Variants in ATRX observed in about 807,000 individuals in gnomAD.
ATRX encodes ATRX chromatin remodeler.
In ATRX, 12 loss-of-function variants were observed where a neutral mutation model predicts 172.6. The observed-to-expected ratio is 0.07, with a 90% confidence interval of 0.04 to 0.11. The LOEUF is 0.11. ATRX is among the 10% of genes least tolerant of loss of function. The pLI is 1.00. For synonymous variants in ATRX, 674 were observed against 594.7 expected (o/e 1.13, Z -1.94); for missense variants, 1,368 against 1,767.4 (o/e 0.77, Z 4.05).
chrX:77,609,236 T>A (rs1440533049), intron 22 of ATRX, among the ~76,000 whole-genome samples: 1 of 111,734 alleles, frequency 8.9e-6, no homozygotes, highest in Non-Finnish European at 1.9e-5. Flanking sequence ...CAGCTGGATA[T>A]ATACTCAGAA....
chrX:77,742,879 T>C (rs1385415420), intron 1 of ATRX, among the ~76,000 whole-genome samples: 2 of 111,948 alleles, frequency 1.8e-5, no homozygotes, highest in African/African-American at 6.5e-5. Context: ...GAACACATTC[T>C]GTGTCCCATG....
rs1186988931 is a variant in ATRX, at chrX:77,652,297, CTCCTCCTCCTCT to C, written c.4362_4373del (p.Glu1461_Glu1464del). 8 of 1,205,064 alleles carry C rather than the reference CTCCTCCTCCTCT, an allele frequency of 6.6e-6. No individual in the cohort carries two copies. Among genetic ancestry groups the C allele is most frequent in the Non-Finnish European group, 7.8e-6 (7 of 893,270 alleles). Reference sequence around the variant, plus strand: ...TTTCATCTTCCTCCTCCTCTTCCTCCTCCTCCTCCTCTTCCTCCTCCTCTTCTTTTTCCTCCT... The same window carrying C: ...TTTCATCTTCCTCCTCCTCTTCCTCCTCCTCCTCCTCTTCTTTTTCCTCCT... On this transcript the variant is annotated inframe_deletion, in exon 15 of 35. Transcript: ENST00000373344.
chrX:77,656,708 T>C (rs1186353171), intron 12 of ATRX, 55 bp from the exon 13 acceptor site: 2 of 967,924 alleles, frequency 2.1e-6, no homozygotes, highest in Non-Finnish European at 2.9e-6. Context: ...AGAAACCTAA[T>C]TCACTTAATT....
intron 1 of ATRX, among the ~76,000 whole-genome samples, chrX:77,780,846 C>T (rs1229372273): frequency 9.1e-6 from 1 of 110,103 alleles, no homozygotes; most frequent in Non-Finnish European, 1.9e-5. Context: ...GAGGCTGAAG[C>T]AGGAGGATTG....
In ATRX at chrX:77,688,007, G is replaced by A. The variant is rs45491192; in HGVS notation, c.594+811C>T. On this transcript the variant is annotated intron_variant, in intron 7 of 34. Transcript: ENST00000373344. ...GGCTGGAGTACAATGGCGCGATCTC[G>A]ACTCGCTGCAACCTCCACCTCCCGG... Among the ~76,000 whole-genome samples, 6 of 111,501 alleles carry A rather than the reference G, an allele frequency of 5.4e-5. No individual in the cohort carries two copies. In the South Asian group the frequency reaches 2.3e-3, roughly 43 times the overall value.
At chrX:77,644,050 G>A (rs1377585340) in intron 15 of ATRX, among the ~76,000 whole-genome samples, 1 of 111,355 alleles carries the variant, frequency 9.0e-6, no homozygotes, top group Non-Finnish European at 1.9e-5. Flanking sequence ...AGCAATTCTT[G>A]TGCCTCAGCC....
At position 77,682,278 on chromosome X, in the gene ATRX, T is replaced by C. The variant is rs2071253299; in HGVS notation, c.2978A>G (p.Lys993Arg). The C allele has an allele frequency of 8.3e-7, 1 of 1,197,860 alleles. No homozygotes were observed. The highest frequency in any genetic ancestry group is 2.3e-5 in the Admixed American group (1 of 42,975). ...TTTTTTCTTAAAGTCTGAAGGTTTCTTTTTTTCTTCAGTTCCCTTTTTGCT... is the reference window on the plus strand; with the variant it reads ...TTTTTTCTTAAAGTCTGAAGGTTTCCTTTTTTCTTCAGTTCCCTTTTTGCT... ...KQSKKGTEEK[K>R]KPSDFKKKVI... The change falls in exon 9 of 35, where the codon AAG (lysine) becomes AGG (arginine). Residue 993 changes from lysine (K) to arginine (R), a missense_variant. Lys to Arg is a conservative substitution (Grantham distance 26). Transcript: ENST00000373344.
intron 17 of ATRX, 67 bp downstream of exon 17, chrX:77,634,527 T>C: frequency 1.1e-6 from 1 of 940,959 alleles, no homozygotes. Context: ...GCCTGAAACA[T>C]AATAGAATCC....
intron 10 of ATRX, among the ~76,000 whole-genome samples, chrX:77,667,174 C>T (rs906081614): frequency 1.8e-5 from 2 of 110,098 alleles, no homozygotes; most frequent in African/African-American, 3.3e-5. Flanking sequence ...TCTGGCACAG[C>T]ACTTTTTTTT....
At chrX:77,552,599 C>T (rs1274155778) in intron 30 of ATRX, among the ~76,000 whole-genome samples, 2 of 110,549 alleles carry the variant, frequency 1.8e-5, no homozygotes, top group Non-Finnish European at 3.8e-5. Context: ...TACCCCAGAA[C>T]TTAAAGTATA....
intron 26 of ATRX, among the ~76,000 whole-genome samples, chrX:77,590,714 A>G (rs2066217067): frequency 9.0e-6 from 1 of 111,337 alleles, no homozygotes; most frequent in African/African-American, 3.3e-5. Context: ...CATGAAAAAA[A>G]GTGAACTTCA....
intron 22 of ATRX, among the ~76,000 whole-genome samples, chrX:77,603,627 C>T (rs782007468): frequency 9.2e-6 from 1 of 109,104 alleles, no homozygotes; most frequent in South Asian, 4.1e-4. Flanking sequence ...CCGCCTGCCT[C>T]GGCCTCCCAA....
At chrX:77,640,293 C>T (rs932593189) in intron 15 of ATRX, among the ~76,000 whole-genome samples, 3 of 110,988 alleles carry the variant, frequency 2.7e-5, no homozygotes, top group Non-Finnish European at 5.7e-5. Flanking sequence ...AGTAACAAAC[C>T]TGTACATGTA....
intron 30 of ATRX, among the ~76,000 whole-genome samples, chrX:77,541,171 C>G (rs782122271): frequency 1.6e-4 from 18 of 112,168 alleles, no homozygotes; most frequent in African/African-American, 5.8e-4. Flanking sequence ...AAACTAACAT[C>G]AGAGAATACT....
At chrX:77,734,714 G>A in intron 1 of ATRX, among the ~76,000 whole-genome samples, 1 of 110,954 alleles carries the variant, frequency 9.0e-6, no homozygotes, top group South Asian at 3.8e-4. Flanking sequence ...TTGAACGCAG[G>A]AGGCAGAGGC....
chrX:77,681,476 A>G, intron 9 of ATRX, 44 bp downstream of exon 9: 2 of 1,138,418 alleles, frequency 1.8e-6, no homozygotes, highest in Non-Finnish European at 2.4e-6. Flanking sequence ...GTAACTCAAG[A>G]GGGGGAAGTA....
At chrX:77,564,589 T>A (rs1364988569) in intron 28 of ATRX, among the ~76,000 whole-genome samples, 3 of 110,417 alleles carry the variant, frequency 2.7e-5, no homozygotes, top group Non-Finnish European at 5.7e-5. Flanking sequence ...TCTCACTATG[T>A]TGCCCAGACT....
chrX:77,556,295 A>AGAGGG (rs2064795253), intron 30 of ATRX, among the ~76,000 whole-genome samples: 1 of 20,401 alleles, frequency 4.9e-5, no homozygotes, highest in Admixed American at 6.2e-4. Context: ...GAGAGAGGGG[A>AGAGGG]AGAGGGAGAG....
chrX:77,537,605 C>T (rs1288845147), intron 30 of ATRX, among the ~76,000 whole-genome samples: 1 of 110,347 alleles, frequency 9.1e-6, no homozygotes, highest in Non-Finnish European at 1.9e-5. Flanking sequence ...GAGGCTGAAG[C>T]GGGAGGATTG....
Sources: allele counts gnomAD v4.1 joint callset (sites outside exome capture counted in the v4.1 genomes callset), GRCh38; gene constraint gnomAD v4.1.1; transcripts MANE v1.5; gene names NCBI Gene and HGNC (gene_info 2026-07-23, HGNC 2026-07-21).